DTNA: variants seen among roughly 807,000 people sequenced by gnomAD.
DTNA encodes the protein dystrobrevin alpha.
A neutral mutation model predicts 100.7 loss-of-function variants in DTNA; 43 were observed. That is an observed-to-expected ratio of 0.43 (90% CI 0.33 to 0.55). DTNA has a LOEUF of 0.55. Ranked by LOEUF, DTNA falls within the 20% of genes least tolerant of loss-of-function variation. The pLI is 0.04. For missense variants in DTNA, 798 were observed against 953.9 expected (o/e 0.84, Z 2.15); for synonymous variants, 349 against 347.9 (o/e 1.00, Z -0.04).
intron 6 of DTNA, chr18:34,815,508 A>G (rs1158148329): frequency 4.5e-6 from 1 of 223,806 alleles, no homozygotes; most frequent in Non-Finnish European, 9.0e-6. Context: ...AAGTTGTTCT[A>G]TAAATTTAGA....
chr18:34,681,730 A>ACC (rs1270842993), intron 1 of DTNA, among the ~76,000 whole-genome samples: 17 of 143,380 alleles, frequency 1.2e-4, no homozygotes, highest in South Asian at 4.4e-4. Flanking sequence ...ACACACACAC[A>ACC]CCCCACACAC....
At chr18:34,612,341 G>C (rs1370041372) in intron 1 of DTNA, among the ~76,000 whole-genome samples, 1 of 152,202 alleles carries the variant, frequency 6.6e-6, no homozygotes, top group Non-Finnish European at 1.5e-5. Flanking sequence ...CTACTGACTT[G>C]TGATGCTCTC....
At chr18:34,806,174 T>A in intron 4 of DTNA, 45 bp from the exon 5 acceptor site, 2 of 1,534,708 alleles carry the variant, frequency 1.3e-6, no homozygotes, top group African/African-American at 1.4e-5. Context: ...CATCATGGTT[T>A]TGTTTTGTTT....
chr18:34,653,975 T>C (rs1471778878), intron 1 of DTNA, among the ~76,000 whole-genome samples: 3 of 152,230 alleles, frequency 2.0e-5, no homozygotes, highest in Non-Finnish European at 4.4e-5. Context: ...CAAAGGGTTT[T>C]GATGAGTTTT....
chr18:34,583,995 A>T (rs1038254410), intron 1 of DTNA, among the ~76,000 whole-genome samples: 1 of 152,064 alleles, frequency 6.6e-6, no homozygotes, highest in Non-Finnish European at 1.5e-5. Context: ...GGGAGACTTA[A>T]GTAGAAATCT....
chr18:34,535,314 GT>G (rs2043586264), intron 1 of DTNA, among the ~76,000 whole-genome samples: 1 of 151,872 alleles, frequency 6.6e-6, no homozygotes, highest in Non-Finnish European at 1.5e-5. Context: ...TGTTCATATT[GT>G]TTGCCCACTT....
intron 1 of DTNA, among the ~76,000 whole-genome samples, chr18:34,538,970 C>T (rs2043988154): frequency 6.6e-6 from 1 of 151,798 alleles, no homozygotes; most frequent in African/African-American, 2.4e-5. Context: ...AAATACCACA[C>T]TCAGAGAAAA....
At chr18:34,690,043 G>A (rs2079524000) in intron 1 of DTNA, among the ~76,000 whole-genome samples, 1 of 152,214 alleles carries the variant, frequency 6.6e-6, no homozygotes, top group Non-Finnish European at 1.5e-5. Flanking sequence ...TGTGCTGACA[G>A]CGAGAATTTC....
At chr18:34,870,020 C>T (rs951463464) in intron 17 of DTNA, among the ~76,000 whole-genome samples, 33 of 151,878 alleles carry the variant, frequency 2.2e-4, no homozygotes, top group Non-Finnish European at 4.1e-4. Flanking sequence ...AGCGAGACTC[C>T]GTCTCAAAAA....
intron 1 of DTNA, chr18:34,737,777 G>A (rs532676948): frequency 2.0e-5 from 3 of 152,234 alleles, no homozygotes; most frequent in East Asian, 1.9e-4. Flanking sequence ...TATAAGCCAC[G>A]TGACCCGGCT....
intron 3 of DTNA, among the ~76,000 whole-genome samples, chr18:34,787,947 A>C (rs139238545): frequency 6.6e-6 from 1 of 152,196 alleles, no homozygotes; most frequent in East Asian, 1.9e-4. Flanking sequence ...CATTTTGTCT[A>C]TTCTCGATGT....
At chr18:34,769,959 G>T (rs2093684794) in intron 3 of DTNA, among the ~76,000 whole-genome samples, 1 of 151,804 alleles carries the variant, frequency 6.6e-6, no homozygotes, top group Non-Finnish European at 1.5e-5. Flanking sequence ...GACCTCATGT[G>T]ATCTGCCCGC....
chr18:34,558,523 A>G (rs1467042037), intron 1 of DTNA, among the ~76,000 whole-genome samples: 1 of 152,216 alleles, frequency 6.6e-6, no homozygotes, highest in African/African-American at 2.4e-5. Context: ...GCCCTTATGG[A>G]GTGTACATTC....
intron 1 of DTNA, among the ~76,000 whole-genome samples, chr18:34,603,073 T>C (rs1234213108): frequency 1.3e-5 from 2 of 151,326 alleles, no homozygotes; most frequent in African/African-American, 4.9e-5. Context: ...AGAAAGAAAT[T>C]TAGCTGAGCG....
chr18:34,732,366 CAG>C (rs1337030840), intron 1 of DTNA, among the ~76,000 whole-genome samples: 1 of 152,144 alleles, frequency 6.6e-6, no homozygotes, highest in Non-Finnish European at 1.5e-5. Context: ...TCTTATACAG[CAG>C]AGTCACCTGT....
rs907556684 is a variant in DTNA at position 34,889,898 on chromosome 18, T to C, written c.*2164T>C. On this transcript the variant is annotated 3_prime_UTR_variant, in exon 23 of 23. Coordinates refer to ENST00000444659, the MANE Select transcript of DTNA (RefSeq NM_001386795.1). ...GTCTTAATGTTCATCTCTTTTCCAC[T>C]GCCCATCCTCTGTGAACCCATACCT... The C allele has an allele frequency of 9.9e-7, 1 of 1,006,052 alleles. No individual in the cohort carries two copies. Among genetic ancestry groups the C allele is most frequent in the African/African-American group, 1.7e-5 (1 of 57,996 alleles). The allele number at this position is 1,006,052 out of a possible 1,614,324, so 62.3% of individuals were successfully genotyped here.
At chr18:34,606,964 A>G (rs990354941) in intron 1 of DTNA, among the ~76,000 whole-genome samples, 13 of 152,144 alleles carry the variant, frequency 8.5e-5, no homozygotes, top group African/African-American at 1.2e-4. Flanking sequence ...CGAAATCCAA[A>G]CCCCTCCCAC....
At chr18:34,539,700 T>C (rs1180052638) in intron 1 of DTNA, among the ~76,000 whole-genome samples, 2 of 152,012 alleles carry the variant, frequency 1.3e-5, no homozygotes, top group Non-Finnish European at 2.9e-5. Context: ...TGTGAACATA[T>C]CTTTTCCTTT....
chr18:34,664,985 C>CTT lies in DTNA; in HGVS notation c.-1-90979_-1-90978dup, dbSNP rs556245815. Among the ~76,000 whole-genome samples the CTT allele has an allele frequency of 2.0e-3, 280 of 141,730 alleles. 1 individual carries two copies. Among genetic ancestry groups the CTT allele is most frequent in the African/African-American group, 6.7e-3 (259 of 38,818 alleles). 93.0% of individuals were successfully genotyped at this position (141,730 alleles called of 152,430 possible). ...TTCTATCTTCTATCTTCTTCTTCTTCTTTTTTTTTTTTTAAAGGTACTCAT... is the reference window on the plus strand; with the variant it reads ...TTCTATCTTCTATCTTCTTCTTCTTCTTTTTTTTTTTTTTTAAAGGTACTCAT... On this transcript the variant is annotated intron_variant, in intron 1 of 19. Transcript: ENST00000283365.
Sources: gnomAD v4.1 joint callset for allele counts (sites outside exome capture counted in the v4.1 genomes callset) on GRCh38, gnomAD v4.1.1 for gene constraint, MANE v1.5 for transcripts, NCBI Gene and HGNC (gene_info 2026-07-23, HGNC 2026-07-21) for gene names.